The following MLLT3 variants were observed in gnomAD, a reference collection of about 807,000 sequenced individuals.
The protein encoded by MLLT3 is MLLT3 super elongation complex subunit, also known as protein AF-9.
In MLLT3, 4 loss-of-function variants were observed where a neutral mutation model predicts 53.2. That is an observed-to-expected ratio of 0.08 (90% CI 0.04 to 0.17). The LOEUF is 0.17. Ranked by LOEUF, MLLT3 falls within the 10% of genes least tolerant of loss-of-function variation. The pLI is 1.00. For synonymous variants in MLLT3, 283 were observed against 230.6 expected (o/e 1.23, Z -2.06); for missense variants, 569 against 684.0 (o/e 0.83, Z 1.87).
intron 9 of MLLT3, among the ~76,000 whole-genome samples, chr9:20,354,099 G>T (rs921361436): frequency 6.6e-6 from 1 of 152,146 alleles, no homozygotes; most frequent in Non-Finnish European, 1.5e-5. Context: ...GTTTTAAAAA[G>T]GCTTCCTGGT....
chr9:20,348,294 G>C (rs1035885943), intron 10 of MLLT3, among the ~76,000 whole-genome samples: 1 of 152,070 alleles, frequency 6.6e-6, no homozygotes, highest in South Asian at 2.1e-4. Flanking sequence ...TGCCTCCCCA[G>C]ACCTACTTGC....
intron 2 of MLLT3, among the ~76,000 whole-genome samples, chr9:20,483,621 A>C (rs1824724259): frequency 6.6e-6 from 1 of 151,062 alleles, no homozygotes; most frequent in African/African-American, 2.4e-5. Context: ...ACCATATTTT[A>C]AGTGTAAGAT....
intron 2 of MLLT3, among the ~76,000 whole-genome samples, chr9:20,591,601 C>T (rs991609175): frequency 3.3e-5 from 5 of 152,264 alleles, no homozygotes; most frequent in African/African-American, 4.8e-5. Flanking sequence ...TATAGAATAT[C>T]GCGAAATGTT....
chr9:20,459,312 G>A (rs774255449), intron 2 of MLLT3, among the ~76,000 whole-genome samples: 6 of 152,130 alleles, frequency 3.9e-5, no homozygotes, highest in Non-Finnish European at 5.9e-5. Context: ...AAACGAAAAC[G>A]TGAAAAGATC....
intron 2 of MLLT3, among the ~76,000 whole-genome samples, chr9:20,608,800 A>G (rs1032974596): frequency 1.2e-4 from 19 of 152,074 alleles, no homozygotes; most frequent in African/African-American, 3.1e-4. Flanking sequence ...TTCACATAAT[A>G]TGAGTCATTC....
intron 9 of MLLT3, 79 bp from the exon 10 acceptor site, chr9:20,353,675 C>T: frequency 8.2e-7 from 1 of 1,219,168 alleles, no homozygotes; most frequent in Non-Finnish European, 1.2e-6. Flanking sequence ...TAAGTAAGAA[C>T]ACACAGGCAG....
At chr9:20,461,107 T>C (rs970778077) in intron 2 of MLLT3, among the ~76,000 whole-genome samples, 3 of 152,204 alleles carry the variant, frequency 2.0e-5, no homozygotes, top group Non-Finnish European at 4.4e-5. Context: ...TTTGTCTAAT[T>C]AATCCCATGT....
intron 5 of MLLT3, among the ~76,000 whole-genome samples, chr9:20,379,094 G>A (rs1035934194): frequency 2.6e-5 from 4 of 151,890 alleles, no homozygotes; most frequent in African/African-American, 4.8e-5. Context: ...GCCTTTTACC[G>A]CCTTTTCTCA....
chr9:20,463,350 G>C (rs1234259224), intron 2 of MLLT3, among the ~76,000 whole-genome samples: 1 of 152,042 alleles, frequency 6.6e-6, no homozygotes, highest in African/African-American at 2.4e-5. Flanking sequence ...TTAGTCATTA[G>C]AGTTAGCAAA....
chr9:20,590,436 G>A (rs1820099738), intron 2 of MLLT3, among the ~76,000 whole-genome samples: 1 of 152,216 alleles, frequency 6.6e-6, no homozygotes, highest in African/African-American at 2.4e-5. Context: ...CATGGGGGCA[G>A]TTTCCCCCAC....
chr9:20,454,157 C>T (rs916259048), intron 3 of MLLT3, among the ~76,000 whole-genome samples: 2 of 152,062 alleles, frequency 1.3e-5, no homozygotes, highest in Admixed American at 1.3e-4. Flanking sequence ...ATATGTTTTA[C>T]AGTCATAATG....
intron 2 of MLLT3, among the ~76,000 whole-genome samples, chr9:20,546,718 C>A (rs1818798047): frequency 1.3e-5 from 2 of 152,232 alleles, no homozygotes; most frequent in Admixed American, 1.3e-4. Flanking sequence ...GAGATCCATT[C>A]CTTAACTATG....
At chr9:20,474,041 C>T (rs1006255512) in intron 2 of MLLT3, among the ~76,000 whole-genome samples, 2 of 152,070 alleles carry the variant, frequency 1.3e-5, no homozygotes, top group African/African-American at 2.4e-5. Context: ...ACCAGCCTCT[C>T]GATACTCAGG....
intron 2 of MLLT3, among the ~76,000 whole-genome samples, chr9:20,615,126 CT>C (rs1820794450): frequency 6.6e-6 from 1 of 152,008 alleles, no homozygotes; most frequent in South Asian, 2.1e-4. Flanking sequence ...GGTGGGTCAC[CT>C]GGGCCCAGGA....
At chr9:20,543,354 C>T (rs965521779) in intron 2 of MLLT3, among the ~76,000 whole-genome samples, 6 of 152,226 alleles carry the variant, frequency 3.9e-5, no homozygotes, top group African/African-American at 1.4e-4. Context: ...AAGTGACAGA[C>T]ATGCAGCTCT....
At chr9:20,455,283 G>A (rs1823937122) in intron 3 of MLLT3, among the ~76,000 whole-genome samples, 1 of 152,212 alleles carries the variant, frequency 6.6e-6, no homozygotes, top group African/African-American at 2.4e-5. Context: ...CATAGCCAAT[G>A]GAGAGAAAGA....
Position 20,620,602 on chromosome 9 carries a change from C to T in MLLT3, c.193+52G>A, listed in dbSNP as rs994411530. ...GGACAGCGGGACCGCCCGGGCCAAG[C>T]GATTGTTTCAAAGACATTTTTTATC... On this transcript the variant is annotated intron_variant, in intron 2 of 10. Coordinates refer to ENST00000380338, the MANE Select transcript of MLLT3 (RefSeq NM_004529.4). The surrounding 1 kb of genome is among the most constrained non-coding windows in gnomAD (Gnocchi z 6.1). The T allele has an allele frequency of 8.4e-6, 13 of 1,546,640 alleles. No homozygotes were observed. The Admixed American group carries it at 2.1e-4, about 25-fold the overall frequency.
At chr9:20,582,911 C>T (rs1023791071) in intron 2 of MLLT3, among the ~76,000 whole-genome samples, 1 of 152,114 alleles carries the variant, frequency 6.6e-6, no homozygotes, top group Non-Finnish European at 1.5e-5. Context: ...CCCCTGGCCC[C>T]TCAAAATCTC....
At chr9:20,539,441 G>A (rs1403262518) in intron 2 of MLLT3, among the ~76,000 whole-genome samples, 1 of 152,086 alleles carries the variant, frequency 6.6e-6, no homozygotes, top group Non-Finnish European at 1.5e-5. Context: ...GTTCCATATG[G>A]CAGGAGAGGC....
Sources: gnomAD v4.1 joint callset for allele counts (sites outside exome capture counted in the v4.1 genomes callset) on GRCh38, gnomAD v4.1.1 for gene constraint, Gnocchi (gnomAD v3.1) non-coding constraint, MANE v1.5 for transcripts, NCBI Gene and HGNC (gene_info 2026-07-23, HGNC 2026-07-21) for gene names.